The following MAGI1 variants were observed in gnomAD, a reference collection of about 807,000 sequenced individuals.
MAGI1 encodes the protein membrane-associated guanylate kinase, WW and PDZ domain-containing protein 1.
MAGI1 carries 58 observed loss-of-function variants against 139.9 expected under a neutral mutation model. The observed-to-expected ratio is 0.41, with a 90% CI of 0.34 to 0.52. The LOEUF is 0.52. Among genes scored for constraint, MAGI1 ranks in the 20% least tolerant of loss-of-function variants. MAGI1 has a pLI of 0.12. For missense variants in MAGI1, 1,874 were observed against 1,901.6 expected (o/e 0.99, Z 0.27); for synonymous variants, 812 against 737.9 (o/e 1.10, Z -1.63).
At chr3:65,683,251 G>A (rs956717529) in intron 1 of MAGI1, among the ~76,000 whole-genome samples, 19 of 151,988 alleles carry the variant, frequency 1.3e-4, no homozygotes, top group Non-Finnish European at 2.6e-4. Flanking sequence ...GAGCTATGTC[G>A]TTTATGTCAT....
chr3:65,906,928 CAA>C (rs530195578), intron 1 of MAGI1, among the ~76,000 whole-genome samples: 1 of 138,880 alleles, frequency 7.2e-6, no homozygotes, highest in Admixed American at 7.3e-5. Flanking sequence ...TAAATTTTGG[CAA>C]AAAAAAAAGA....
chr3:65,642,440 G>GTAAA (rs2085031737), intron 1 of MAGI1, among the ~76,000 whole-genome samples: 1 of 152,142 alleles, frequency 6.6e-6, no homozygotes, highest in Non-Finnish European at 1.5e-5. Flanking sequence ...TTTTACATCA[G>GTAAA]CAAACCAAAA....
intron 1 of MAGI1, among the ~76,000 whole-genome samples, chr3:65,966,248 C>T (rs991372369): frequency 6.6e-6 from 1 of 152,122 alleles, no homozygotes; most frequent in African/African-American, 2.4e-5. Flanking sequence ...TCAGTTAAAG[C>T]CCATACAGCA....
At chr3:65,945,082 G>A (rs1560040925) in intron 1 of MAGI1, among the ~76,000 whole-genome samples, 1 of 152,216 alleles carries the variant, frequency 6.6e-6, no homozygotes, top group Non-Finnish European at 1.5e-5. Flanking sequence ...GGGCAAGAGT[G>A]CTCAAATCTG....
intron 12 of MAGI1, among the ~76,000 whole-genome samples, chr3:65,420,574 TGCCTA>T (rs1946566719): frequency 6.6e-6 from 1 of 152,194 alleles, no homozygotes. Flanking sequence ...CTATTCCCAG[TGCCTA>T]GACGATGACA....
chr3:65,576,539 G>GC (rs1330640413), intron 2 of MAGI1, among the ~76,000 whole-genome samples: 1 of 152,160 alleles, frequency 6.6e-6, no homozygotes, highest in East Asian at 1.9e-4. Context: ...ACTGAAGTAG[G>GC]CAAATACGTT....
chr3:65,821,220 G>C (rs1575607229), intron 1 of MAGI1, among the ~76,000 whole-genome samples: 1 of 152,134 alleles, frequency 6.6e-6, no homozygotes, highest in South Asian at 2.1e-4. Context: ...ATCTTAACCA[G>C]CAACTCTCAA....
intron 1 of MAGI1, among the ~76,000 whole-genome samples, chr3:65,928,276 T>C (rs2062621607): frequency 6.6e-6 from 1 of 152,186 alleles, no homozygotes; most frequent in Non-Finnish European, 1.5e-5. Flanking sequence ...GAGGGAGCAT[T>C]TATACAAAGG....
chr3:65,996,549 G>C (rs972660293), intron 1 of MAGI1, among the ~76,000 whole-genome samples: 1 of 151,676 alleles, frequency 6.6e-6, no homozygotes, highest in African/African-American at 2.4e-5. Context: ...AAGGGGGGGG[G>C]GGGGGAAGCG....
intron 1 of MAGI1, among the ~76,000 whole-genome samples, chr3:65,866,857 G>A (rs1316803486): frequency 2.0e-5 from 3 of 152,204 alleles, no homozygotes; most frequent in Admixed American, 2.0e-4. Context: ...CAGCTACTCG[G>A]TGTAAACAGG....
chr3:65,561,860 T>C (rs4688578), intron 2 of MAGI1, among the ~76,000 whole-genome samples: 102,089 of 152,050 alleles, frequency 0.67, 35,019 homozygotes, highest in East Asian at 0.95. Flanking sequence ...ATTAATTTAA[T>C]ATACAGTAAC....
intron 1 of MAGI1, among the ~76,000 whole-genome samples, chr3:65,825,961 T>A (rs545819802): frequency 3.9e-5 from 6 of 152,288 alleles, no homozygotes; most frequent in African/African-American, 1.4e-4. Context: ...CACTCCAGCC[T>A]GGGCGACAGA....
At chr3:65,707,476 G>A (rs2030539311) in intron 1 of MAGI1, among the ~76,000 whole-genome samples, 1 of 152,064 alleles carries the variant, frequency 6.6e-6, no homozygotes, top group South Asian at 2.1e-4. Context: ...TTTGAGCCCA[G>A]GAGTTTGAGA....
intron 1 of MAGI1, among the ~76,000 whole-genome samples, chr3:66,034,734 CT>C (rs1277073466): frequency 6.6e-6 from 1 of 152,114 alleles, no homozygotes; most frequent in Non-Finnish European, 1.5e-5. Context: ...TGGAATATTA[CT>C]TAGCAATAAA....
At chr3:65,944,114 C>A (rs2106870419) in intron 1 of MAGI1, among the ~76,000 whole-genome samples, 1 of 152,294 alleles carries the variant, frequency 6.6e-6, no homozygotes, top group African/African-American at 2.4e-5. Flanking sequence ...TGGTTCAACT[C>A]CATTAAGCAG....
intron 1 of MAGI1, among the ~76,000 whole-genome samples, chr3:65,993,208 T>C (rs1001681436): frequency 2.6e-5 from 4 of 152,186 alleles, no homozygotes; most frequent in Non-Finnish European, 4.4e-5. Context: ...GCAGGCCACA[T>C]GGAGCTGCTT....
At chr3:65,620,820 T>G (rs754009893) in intron 2 of MAGI1, among the ~76,000 whole-genome samples, 1 of 152,186 alleles carries the variant, frequency 6.6e-6, no homozygotes, top group African/African-American at 2.4e-5. Flanking sequence ...TCTCATAGCC[T>G]CTGTTTTATT....
At chr3:65,840,575 A>G (rs2058770178) in intron 1 of MAGI1, among the ~76,000 whole-genome samples, 1 of 152,138 alleles carries the variant, frequency 6.6e-6, no homozygotes. Flanking sequence ...ATTGATTTCT[A>G]AATACTGAAC....
At chr3:66,023,688 T>C (rs1001981885) in intron 1 of MAGI1, among the ~76,000 whole-genome samples, 1 of 152,220 alleles carries the variant, frequency 6.6e-6, no homozygotes, top group Non-Finnish European at 1.5e-5. Flanking sequence ...CAAGTTGTAT[T>C]ATTAGGAACT....
Sources: allele counts gnomAD v4.1 joint callset (sites outside exome capture counted in the v4.1 genomes callset), GRCh38; gene constraint gnomAD v4.1.1; transcripts MANE v1.5; gene names NCBI Gene and HGNC (gene_info 2026-07-23, HGNC 2026-07-21).